The following MTMR11 variants were observed in gnomAD, a reference collection of about 807,000 sequenced individuals.
MTMR11 encodes the protein myotubularin-related protein 11.
In MTMR11, 89 loss-of-function variants were observed where a neutral mutation model predicts 100.0. The observed-to-expected ratio is 0.89, with a 90% confidence interval of 0.75 to 1.06. The LOEUF is 1.06. Among genes scored for constraint, MTMR11 ranks in the 50% least tolerant of loss-of-function variants. The pLI is 0.00. For synonymous variants in MTMR11, 336 were observed against 326.3 expected (o/e 1.03, Z -0.32); for missense variants, 809 against 873.7 (o/e 0.93, Z 0.93).
At position 149,933,325 on chromosome 1, in the gene MTMR11, CA is replaced by C. The variant is rs2092684200; in HGVS notation, c.985+80del. The C allele has an allele frequency of 2.6e-6, 4 of 1,554,018 alleles. No homozygotes were observed. In the South Asian group the frequency reaches 4.6e-5, roughly 18 times the overall value. ...ATTGGACTAAAGAGCTACTCATCTACAGCAAGCAAAGGGTAAACCAGGTTAG... is the reference window on the plus strand; with the variant it reads ...ATTGGACTAAAGAGCTACTCATCTACGCAAGCAAAGGGTAAACCAGGTTAG... On this transcript the variant is annotated intron_variant, in intron 10 of 16. Transcript: ENST00000439741.
At position 149,936,810 on chromosome 1, in the gene MTMR11, G is replaced by T; in HGVS notation, c.-163C>A. ...GAGCATTTGACGTGCACGGAGCAGA[G>T]TTTGGGGGTCCTTGGAAAGGTGTGT... On this transcript the variant is annotated 5_prime_UTR_variant, in exon 1 of 17. Coordinates refer to ENST00000439741, the MANE Select transcript of MTMR11 (RefSeq NM_001145862.2). 1 of 631,884 alleles carries T rather than the reference G, an allele frequency of 1.6e-6. No individual in the cohort carries two copies. Among genetic ancestry groups the T allele is most frequent in the Non-Finnish European group, 2.8e-6 (1 of 357,956 alleles). 39.1% of individuals were successfully genotyped at this position (631,884 alleles called of 1,614,324 possible).
chr1:149,933,394 G>A lies in MTMR11; in HGVS notation c.985+12C>T. 6.2e-7 allele frequency: 1 copy of A among 1,614,078 alleles called. No individual in the cohort carries two copies. The highest frequency in any genetic ancestry group is 8.5e-7 in the Non-Finnish European group (1 of 1,179,980). On this transcript the variant is annotated intron_variant, in intron 10 of 16. Coordinates refer to ENST00000439741, the MANE Select transcript of MTMR11 (RefSeq NM_001145862.2). ...GTGAGGGTGAGGGTTAGGGGTCAAA[G>A]GTTATTCTCACCAGGCAGGCAGAGG...
Position 149,929,215 on chromosome 1 carries a change from A to G in MTMR11, c.2044T>C (p.Ser682Pro). 6.2e-7 allele frequency: 1 copy of G among 1,613,900 alleles called. No individual in the cohort carries two copies. Among genetic ancestry groups the G allele is most frequent in the Non-Finnish European group, 8.5e-7 (1 of 1,179,978 alleles). Residue 682 changes from serine to proline, a missense_variant, in exon 17 of 17, where the codon TCC becomes CCC. By Grantham distance (74) the Ser-to-Pro change is moderately conservative (BLOSUM62 -1). Coordinates refer to ENST00000439741, the MANE Select transcript of MTMR11 (RefSeq NM_001145862.2). ...ATGGTATGTGGATCTCTTTTCTTGGAGTGATCCTCAGGAGATATTCTTGGT... is the reference window on the plus strand; with the variant it reads ...ATGGTATGTGGATCTCTTTTCTTGGGGTGATCCTCAGGAGATATTCTTGGT... ...WTPRISPEDH[S>P]KKRDPHTILN...
Position 149,928,660 on chromosome 1 carries a change from A to ATAC in MTMR11, c.*466_*468dup, listed in dbSNP as rs1206458790. ...GAAACAATGCCAGCAATGTGTATAA[A>ATAC]TACTATGCTTTAATGAGCCCCTTAA... On this transcript the variant is annotated 3_prime_UTR_variant, in exon 17 of 17. Transcript: ENST00000439741. 3 of 599,900 alleles carry ATAC rather than the reference A, an allele frequency of 5.0e-6. No homozygotes were observed. 37.2% of individuals were successfully genotyped at this position (599,900 alleles called of 1,614,324 possible).
rs1553768449 is a variant in MTMR11, at chr1:149,934,272, T to A, written c.602A>T (p.Asp201Val). ...CTGCTTCTTCCGCTCAGTCTCCCAG[T>A]CTTCCGCTGTCTCCATGAGAGGAAT... is the stretch of plus-strand genomic sequence containing the variant. ...PPIPLMETAE[D>V]WETERKKQAA... Residue 201 changes from aspartate to valine, a missense_variant, in exon 7 of 17, where the codon GAC becomes GTC. Physicochemically the swap from Asp to Val is radical, Grantham distance 152. Transcript: ENST00000439741. The A allele has an allele frequency of 1.9e-6, 3 of 1,614,054 alleles. No homozygotes were observed. The highest frequency in any genetic ancestry group is 1.7e-5 in the Admixed American group (1 of 60,004).
intron 7 of MTMR11, 85 bp from the exon 8 acceptor site, chr1:149,934,027 G>A (rs2092694059): frequency 6.5e-7 from 1 of 1,541,512 alleles, no homozygotes; most frequent in Non-Finnish European, 9.0e-7. Context: ...TGCTTCAGAG[G>A]GACCATTCCA....
intron 10 of MTMR11, among the ~76,000 whole-genome samples, chr1:149,932,710 C>T (rs2092675922): frequency 6.6e-6 from 1 of 152,028 alleles, no homozygotes; most frequent in Non-Finnish European, 1.5e-5. Context: ...CTTTAGGAGG[C>T]CTTGGTGGGT....
In MTMR11 at chr1:149,929,741, C is replaced by A. The variant is rs2092631208; in HGVS notation, c.1823G>T (p.Gly608Val). The A allele has an allele frequency of 6.2e-7, 1 of 1,614,154 alleles. No homozygotes were observed. Among genetic ancestry groups the A allele is most frequent in the Non-Finnish European group, 8.5e-7 (1 of 1,180,032 alleles). The change falls in exon 16 of 17, where the codon GGT becomes GTT. Residue 608 changes from glycine (G) to valine (V), a missense_variant. Gly to Val is a moderately radical substitution (Grantham distance 109, BLOSUM62 -3). Coordinates refer to ENST00000439741, the MANE Select transcript of MTMR11 (RefSeq NM_001145862.2). ...SSESLADQEW[G>V]LPSHWGACPL... Reference sequence around the variant, plus strand: ...GCAAGCTCCCCAATGTGAGGGGAGACCCCATTCCTGGTCAGCCAGGCTTTC... The same window carrying A: ...GCAAGCTCCCCAATGTGAGGGGAGAACCCATTCCTGGTCAGCCAGGCTTTC...
Position 149,929,237 on chromosome 1 carries a change from T to C in MTMR11, c.2022A>G (p.Pro674=), listed in dbSNP as rs782210805. 6.2e-7 allele frequency: 1 copy of C among 1,614,144 alleles called. No individual in the cohort carries two copies. Among genetic ancestry groups the C allele is most frequent in the Middle Eastern group, 1.6e-4 (1 of 6,062 alleles). Residue 674 remains proline, a synonymous_variant, in exon 17 of 17, where the codon CCA becomes CCG. Transcript: ENST00000439741. ...TGGAGTGATCCTCAGGAGATATTCT[T>C]GGTGTCCATTTCCGTAATAACTCCT... ...HLQELLRKWT[P]RISPEDHSKK... is the part of the protein sequence containing the mutation.
At chr1:149,936,445 C>T in intron 1 of MTMR11, 137 bp downstream of exon 1, 1 of 1,375,648 alleles carries the variant, frequency 7.3e-7, no homozygotes, top group Non-Finnish European at 9.8e-7. Context: ...GAAAGACGGA[C>T]CAGGCTCCAT....
In MTMR11 at chr1:149,934,538, A is replaced by T. The variant is rs1553768597; in HGVS notation, c.469-12T>A. The T allele has an allele frequency of 1.2e-6, 2 of 1,613,272 alleles. No homozygotes were observed. The highest frequency in any genetic ancestry group is 3.3e-5 in the Admixed American group (2 of 60,024). ...ATGGCCATGGTCACCTGCAGAGGAA[A>T]GGACATTCCATCCTTTTGGCTTAGG... On this transcript the variant is annotated splice_polypyrimidine_tract_variant and intron_variant, in intron 5 of 16. Coordinates refer to ENST00000439741, the MANE Select transcript of MTMR11 (RefSeq NM_001145862.2).
Position 149,930,400 on chromosome 1 carries a change from C to T in MTMR11, c.1612G>A (p.Glu538Lys). ...GGGAGCCAGGAATCTGGACAGTGTT[C>T]TGGGTCATAGCCAGGATTCTGGAAT... ...LQFQNPGYDP[E>K]HCPDSWLPRP... The change falls in exon 15 of 17, where the codon GAA (glutamate) becomes AAA (lysine). Residue 538 changes from glutamate (E) to lysine (K), a missense_variant. Glu to Lys is a moderately conservative substitution (Grantham distance 56). Coordinates refer to ENST00000439741, the MANE Select transcript of MTMR11 (RefSeq NM_001145862.2). 6.2e-7 allele frequency: 1 copy of T among 1,613,998 alleles called. No homozygotes were observed. Among genetic ancestry groups the T allele is most frequent in the Non-Finnish European group, 8.5e-7 (1 of 1,179,884 alleles).
chr1:149,932,647 T>C (rs1400409058), intron 10 of MTMR11, among the ~76,000 whole-genome samples: 1 of 151,274 alleles, frequency 6.6e-6, no homozygotes, highest in African/African-American at 2.4e-5. Context: ...GGGAGGTGAG[T>C]AGAAAACAGT....
chr1:149,932,316 C>T lies in MTMR11; in HGVS notation c.1000G>A (p.Glu334Lys). ...TCCAGGGCTGAAAGCCATTTATCCTCAGCTACAGATGAATCTGATAGAGGG... is the reference window on the plus strand; with the variant it reads ...TCCAGGGCTGAAAGCCATTTATCCTTAGCTACAGATGAATCTGATAGAGGG... ...ALCLPDSSVA[E>K]DKWLSALEGT... Residue 334 changes from glutamate to lysine, a missense_variant, in exon 11 of 17, where the codon GAG becomes AAG. Coordinates refer to ENST00000439741, the MANE Select transcript of MTMR11 (RefSeq NM_001145862.2). The T allele has an allele frequency of 6.2e-7, 1 of 1,613,754 alleles. No individual in the cohort carries two copies. The highest frequency in any genetic ancestry group is 8.5e-7 in the Non-Finnish European group (1 of 1,179,692).
intron 11 of MTMR11, 40 bp downstream of exon 11, chr1:149,932,224 G>C: frequency 6.3e-7 from 1 of 1,595,384 alleles, no homozygotes. Context: ...GTTGAGGAAG[G>C]TTGAATTATA....
At position 149,935,099 on chromosome 1, in the gene MTMR11, G is replaced by A. The variant is rs202052150; in HGVS notation, c.355C>T (p.Arg119Cys). ...VSGLSRVQLL[R>C]PGSLHKFIPE... ...ATAAATTTATGCAGGGACCCTGGAC[G>A]GAGGAGCTGGACTCGGGACAAGCCG... Residue 119 changes from arginine (R) to cysteine (C), a missense_variant, in exon 5 of 17, where the codon CGT (arginine) becomes TGT (cysteine). Coordinates refer to ENST00000439741, the MANE Select transcript of MTMR11 (RefSeq NM_001145862.2). 4.7e-5 allele frequency: 76 copies of A among 1,614,156 alleles called. No homozygotes were observed. The African/African-American group carries it at 7.5e-4, about 16-fold the overall frequency.
Position 149,931,425 on chromosome 1 carries a change from C to T in MTMR11, c.1125G>A (p.Glu375=). 1 of 1,589,336 alleles carries T rather than the reference C, an allele frequency of 6.3e-7. No homozygotes were observed. The highest frequency in any genetic ancestry group is 1.1e-5 in the South Asian group (1 of 87,560). Residue 375 remains glutamate (E), a splice_region_variant and synonymous_variant, in exon 13 of 17, where the codon GAG becomes GAA. Coordinates refer to ENST00000439741, the MANE Select transcript of MTMR11 (RefSeq NM_001145862.2). ...TSRVRSVILQ[E]RGDRDLNGLL... ...GGCCATTGAGATCACGATCACCGCG[C>T]TCTGGGTGATAAAGAGGAAGAAGGG...
chr1:149,934,283 CT>C lies in MTMR11; in HGVS notation c.590del (p.Glu197GlyfsTer29), dbSNP rs1553768474. On this transcript the variant is annotated frameshift_variant, in exon 7 of 17. Coordinates refer to ENST00000439741, the MANE Select transcript of MTMR11 (RefSeq NM_001145862.2). LOFTEE classifies it high-confidence loss of function. ...GSRKPPIPLM[E>X]TAEDWETERK... ...GCTCAGTCTCCCAGTCTTCCGCTGTCTCCATGAGAGGAATTGGTGGTTTTCT... is the reference window on the plus strand; with the variant it reads ...GCTCAGTCTCCCAGTCTTCCGCTGTCCCATGAGAGGAATTGGTGGTTTTCT... 6.2e-6 allele frequency: 10 copies of C among 1,614,086 alleles called. No individual in the cohort carries two copies. In the South Asian group the frequency reaches 1.1e-4, roughly 18 times the overall value.
At chr1:149,930,331 C>A in intron 15 of MTMR11, 34 bp downstream of exon 15, 1 of 1,583,770 alleles carries the variant, frequency 6.3e-7, no homozygotes, top group South Asian at 1.1e-5. Flanking sequence ...CCTGTGGGAA[C>A]GTCAAGGGAA....
Sources: gnomAD v4.1 joint callset for allele counts (sites outside exome capture counted in the v4.1 genomes callset) on GRCh38, gnomAD v4.1.1 for gene constraint, MANE v1.5 for transcripts, NCBI Gene and HGNC (gene_info 2026-07-23, HGNC 2026-07-21) for gene names.